Variants in XYLB observed in about 807,000 individuals in gnomAD.
The protein encoded by XYLB is xylulose kinase.
XYLB carries 62 observed loss-of-function variants against 78.7 expected under a neutral mutation model. The ratio of observed to expected loss-of-function variants is 0.79; its 90% CI spans 0.64 to 0.97. The LOEUF (loss-of-function observed/expected upper bound fraction) is 0.97, where lower values mean the gene tolerates loss of function less well. Among genes scored for constraint, XYLB ranks in the 50% least tolerant of loss-of-function variants. The pLI, the probability that XYLB is intolerant of heterozygous loss-of-function variation, is 0.00. For missense variants in XYLB, 687 were observed against 676.8 expected (o/e 1.02, Z -0.17); for synonymous variants, 245 against 247.4 (o/e 0.99, Z 0.09).
chr3:38,375,918 G>A lies in XYLB; in HGVS notation c.1005-199G>A, dbSNP rs145612946. Reference sequence around the variant, plus strand: ...AACAGCCCAAGACAAGGGCGTTTCCGGCACCTCCCAGGGACATTCAGGGGC... The same window carrying A: ...AACAGCCCAAGACAAGGGCGTTTCCAGCACCTCCCAGGGACATTCAGGGGC... On this transcript the variant is annotated intron_variant, in intron 12 of 18. Coordinates refer to ENST00000207870, the MANE Select transcript of XYLB (RefSeq NM_005108.4). Among the ~76,000 whole-genome samples the A allele has an allele frequency of 3.6e-4, 55 of 152,224 alleles. No homozygotes were observed. The East Asian group carries it at 8.5e-3, about 24-fold the overall frequency.
chr3:38,450,373 T>C, the XYLB span, among the ~76,000 whole-genome samples: 1 of 152,234 alleles, frequency 6.6e-6, no homozygotes, highest in Non-Finnish European at 1.5e-5. Context: ...AATGCTATAG[T>C]TTTCCATCTT....
chr3:38,443,402 G>A, the XYLB span, among the ~76,000 whole-genome samples: 1 of 152,186 alleles, frequency 6.6e-6, no homozygotes, highest in Non-Finnish European at 1.5e-5. Context: ...GGACATGGGC[G>A]AGGGGGAAGC....
rs760235891 is a variant in XYLB, at chr3:38,403,490, C to T, written c.1533+2505C>T. Among the ~76,000 whole-genome samples the T allele has an allele frequency of 2.6e-5, 4 of 152,192 alleles. No homozygotes were observed. In the East Asian group the frequency reaches 7.7e-4, roughly 29 times the overall value. On this transcript the variant is annotated intron_variant, in intron 18 of 18. Coordinates refer to ENST00000207870, the MANE Select transcript of XYLB (RefSeq NM_005108.4). ...TGGTGACAGGACAGCTATAGCTGCC[C>T]CAAACATCATGTCTTCACAGCTGTA...
At chr3:38,354,494 C>A (rs1056553962) in intron 2 of XYLB, among the ~76,000 whole-genome samples, 5 of 151,294 alleles carry the variant, frequency 3.3e-5, no homozygotes, top group Non-Finnish European at 7.4e-5. Context: ...TCCAGAAAGC[C>A]AAATTGTTAA....
chr3:38,411,283 A>G (rs1708573163), intron 18 of XYLB, among the ~76,000 whole-genome samples: 1 of 152,172 alleles, frequency 6.6e-6, no homozygotes. Context: ...CGCAAGGACA[A>G]AAAACCAAAC....
chr3:38,431,817 G>A, the XYLB span, among the ~76,000 whole-genome samples: 1 of 152,146 alleles, frequency 6.6e-6, no homozygotes, highest in Non-Finnish European at 1.5e-5. Flanking sequence ...ACTGAGTGAA[G>A]GGGAAGCCTC....
In XYLB at chr3:38,376,179, G is replaced by A. The variant is rs751673423; in HGVS notation, c.1067G>A (p.Ser356Asn). 36 of 1,614,224 alleles carry A rather than the reference G, an allele frequency of 2.2e-5. No individual in the cohort carries two copies. The South Asian group carries it at 3.2e-4, about 14-fold the overall frequency. The change falls in exon 13 of 19, where the codon AGC becomes AAC. Residue 356 changes from serine to asparagine, a missense_variant. Physicochemically the swap from Ser to Asn is conservative, Grantham distance 46. Coordinates refer to ENST00000207870, the MANE Select transcript of XYLB (RefSeq NM_005108.4). ...AACGAGTCTGTATCCCGTTCCTGGA[G>A]CGATTTCTCTAAGGCACTGCAGTCC... ...IRNESVSRSW[S>N]DFSKALQSTE...
intron 2 of XYLB, among the ~76,000 whole-genome samples, chr3:38,358,577 C>A (rs199923772): frequency 6.6e-6 from 1 of 151,976 alleles, no homozygotes; most frequent in Non-Finnish European, 1.5e-5. Context: ...CTCCCGACTT[C>A]AGGTGATCTG....
At chr3:38,348,452 C>G in intron 1 of XYLB, 98 bp from the exon 2 acceptor site, 1 of 1,161,192 alleles carries the variant, frequency 8.6e-7, no homozygotes, top group Non-Finnish European at 1.3e-6. Flanking sequence ...TTGAACTGCT[C>G]CTAGGGTGTG....
At chr3:38,350,145 G>A (rs1442473920) in intron 2 of XYLB, among the ~76,000 whole-genome samples, 1 of 152,178 alleles carries the variant, frequency 6.6e-6, no homozygotes, top group Non-Finnish European at 1.5e-5. Flanking sequence ...CCTCTTTGAA[G>A]CCTTCCCAGC....
chr3:38,372,509 G>C lies in XYLB; in HGVS notation c.766-146G>C, dbSNP rs2125595880. On this transcript the variant is annotated intron_variant, in intron 9 of 18. Transcript: ENST00000207870. Reference sequence around the variant, plus strand: ...ACATGCCCAGTTTGTGACAGGAAGTGATGTGACTCCAGGCTCTGCAAAAGA... The same window carrying C: ...ACATGCCCAGTTTGTGACAGGAAGTCATGTGACTCCAGGCTCTGCAAAAGA... 5 of 1,481,056 alleles carry C rather than the reference G, an allele frequency of 3.4e-6. No homozygotes were observed. The South Asian group carries it at 6.7e-5, about 20-fold the overall frequency. The allele number at this position is 1,481,056 out of a possible 1,614,324, so 91.7% of individuals were successfully genotyped here.
chr3:38,431,891 C>T, the XYLB span, among the ~76,000 whole-genome samples: 1 of 152,074 alleles, frequency 6.6e-6, no homozygotes, highest in Non-Finnish European at 1.5e-5. Context: ...AAACTGCCCC[C>T]ATGATTTAAT....
In XYLB at chr3:38,404,854, T is replaced by G. The variant is rs76536484; in HGVS notation, c.1533+3869T>G. 4.6e-3 allele frequency among the ~76,000 whole-genome samples: 706 copies of G among 152,242 alleles called. 9 individuals are homozygous for G. Among genetic ancestry groups the G allele is most frequent in the African/African-American group, 0.016 (657 of 41,542 alleles). ...AAAATAAAAAAACAAAACTTAACTT[T>G]GGAGCAAATTAAACCAAATTAAGAA... On this transcript the variant is annotated intron_variant, in intron 18 of 18. Coordinates refer to ENST00000207870, the MANE Select transcript of XYLB (RefSeq NM_005108.4).
chr3:38,405,208 G>A (rs775541167), intron 18 of XYLB, among the ~76,000 whole-genome samples: 1 of 151,860 alleles, frequency 6.6e-6, no homozygotes, highest in South Asian at 2.1e-4. Flanking sequence ...TCTTAAAAAT[G>A]TATGTGCATA....
chr3:38,368,815 C>T (rs554288081), intron 8 of XYLB, among the ~76,000 whole-genome samples: 61 of 149,320 alleles, frequency 4.1e-4, no homozygotes, highest in African/African-American at 1.5e-3. Flanking sequence ...TGGGGAGAAC[C>T]TCACAAGGGG....
At chr3:38,395,410 A>C in intron 15 of XYLB, 95 bp from the exon 16 acceptor site, 2 of 1,152,430 alleles carry the variant, frequency 1.7e-6, no homozygotes, top group South Asian at 2.6e-5. Context: ...TTGGCCCATC[A>C]TGAGCCCTCT....
the XYLB span, among the ~76,000 whole-genome samples, chr3:38,437,094 G>A: frequency 6.7e-6 from 1 of 149,778 alleles, no homozygotes; most frequent in Non-Finnish European, 1.5e-5. Context: ...TTTATAAAAG[G>A]GGTGCAAGGA....
chr3:38,389,697 A>T (rs899605827), intron 15 of XYLB, among the ~76,000 whole-genome samples: 9 of 152,088 alleles, frequency 5.9e-5, no homozygotes, highest in Admixed American at 3.9e-4. Flanking sequence ...TGGGATCAGG[A>T]TCAGCAGGAT....
the XYLB span, among the ~76,000 whole-genome samples, chr3:38,442,125 T>G: frequency 1.3e-5 from 2 of 152,166 alleles, no homozygotes; most frequent in Admixed American, 6.5e-5. Flanking sequence ...TTTTAATGTC[T>G]TAGGGCAAGG....
Sources: gnomAD v4.1 joint callset for allele counts (sites outside exome capture counted in the v4.1 genomes callset) on GRCh38, gnomAD v4.1.1 for gene constraint, MANE v1.5 for transcripts, NCBI Gene and HGNC (gene_info 2026-07-23, HGNC 2026-07-21) for gene names.